The following KCNK1 variants were observed in gnomAD, a reference collection of about 807,000 sequenced individuals.
KCNK1 encodes the protein potassium two pore domain channel subfamily K member 1.
KCNK1 carries 10 observed loss-of-function variants against 22.2 expected under a neutral mutation model. That is an observed-to-expected ratio of 0.45 (90% CI 0.28 to 0.76). KCNK1 has a LOEUF of 0.76. KCNK1 is among the 30% of genes least tolerant of loss of function. KCNK1 has a pLI of 0.14. For missense variants in KCNK1, 378 were observed against 421.0 expected, an observed-to-expected ratio of 0.90 and a Z score of 0.89; for synonymous variants, 200 against 186.4, an observed-to-expected ratio of 1.07 and a Z score of -0.60.
intron 1 of KCNK1, among the ~76,000 whole-genome samples, chr1:233,617,605 G>A (rs143929884): frequency 1.3e-5 from 2 of 152,262 alleles, no homozygotes; most frequent in East Asian, 3.9e-4. Context: ...CGAATGATTG[G>A]AGAACAAAAG....
intron 1 of KCNK1, chr1:233,636,713 A>T (rs1212806010): frequency 6.6e-6 from 1 of 151,270 alleles, no homozygotes; most frequent in Non-Finnish European, 1.5e-5. Context: ...TCGGATCACA[A>T]GACTGGGGGG....
chr1:233,665,192 G>A (rs544823738), intron 1 of KCNK1, among the ~76,000 whole-genome samples: 1 of 152,280 alleles, frequency 6.6e-6, no homozygotes, highest in African/African-American at 2.4e-5. Context: ...CCGGGGGGTG[G>A]GGGAAATGTG....
At chr1:233,655,918 G>A (rs1299782603) in intron 1 of KCNK1, 3 of 151,486 alleles carry the variant, frequency 2.0e-5, no homozygotes, top group African/African-American at 7.3e-5. Context: ...AAAAAAAAAC[G>A]GCTCCAATGC....
chr1:233,634,368 G>A (rs75833617), intron 1 of KCNK1, among the ~76,000 whole-genome samples: 1 of 151,828 alleles, frequency 6.6e-6, no homozygotes, highest in East Asian at 1.9e-4. Context: ...AGCTTTTCAG[G>A]TTCTTAAACT....
At chr1:233,653,714 G>C (rs538697904) in intron 1 of KCNK1, among the ~76,000 whole-genome samples, 58 of 152,208 alleles carry the variant, frequency 3.8e-4, no homozygotes, top group Non-Finnish European at 6.8e-4. Context: ...AACTTGGGCA[G>C]AATGGTACCA....
intron 1 of KCNK1, among the ~76,000 whole-genome samples, chr1:233,661,245 CA>C (rs1214220554): frequency 6.6e-6 from 1 of 152,142 alleles, no homozygotes; most frequent in Non-Finnish European, 1.5e-5. Context: ...GTGGAAACTT[CA>C]TTGCAAAAAG....
chr1:233,656,414 G>C (rs560089450), intron 1 of KCNK1, among the ~76,000 whole-genome samples: 1 of 152,188 alleles, frequency 6.6e-6, no homozygotes, highest in Non-Finnish European at 1.5e-5. Flanking sequence ...CTCAGTAGTC[G>C]TTAGACAAAA....
chr1:233,620,677 G>A (rs1053365178), intron 1 of KCNK1, among the ~76,000 whole-genome samples: 3 of 152,102 alleles, frequency 2.0e-5, no homozygotes, highest in Non-Finnish European at 4.4e-5. Context: ...TGATGTTTGT[G>A]CTCTGTATTC....
At chr1:233,671,004 T>C (rs1658587091) in intron 2 of KCNK1, among the ~76,000 whole-genome samples, 2 of 152,172 alleles carry the variant, frequency 1.3e-5, no homozygotes, top group African/African-American at 4.8e-5. Flanking sequence ...CCCAAGTATT[T>C]TTTTTTTCTC....
At chr1:233,667,042 T>A in intron 2 of KCNK1, 52 bp downstream of exon 2, 1 of 1,268,004 alleles carries the variant, frequency 7.9e-7, no homozygotes, top group Non-Finnish European at 1.0e-6. Flanking sequence ...ATTTTATTTA[T>A]TTATTTATTT....
chr1:233,615,303 G>A (rs942887568), intron 1 of KCNK1, among the ~76,000 whole-genome samples: 2 of 152,190 alleles, frequency 1.3e-5, no homozygotes, highest in Admixed American at 6.5e-5. Context: ...CATAAACTTC[G>A]AAGCGCCACG....
chr1:233,663,422 C>T (rs1248820875), intron 1 of KCNK1, among the ~76,000 whole-genome samples: 5 of 152,036 alleles, frequency 3.3e-5, no homozygotes, highest in Non-Finnish European at 7.4e-5. Context: ...AGTTAACATT[C>T]TAATGAAAAG....
chr1:233,634,319 A>AAC (rs1491346622), intron 1 of KCNK1, among the ~76,000 whole-genome samples: 1 of 2,748 alleles, frequency 3.6e-4, no homozygotes, highest in African/African-American at 5.4e-4. Flanking sequence ...CAACAACAAC[A>AAC]AAAAAAAAAA....
At chr1:233,633,322 G>A (rs1365568785) in intron 1 of KCNK1, among the ~76,000 whole-genome samples, 2 of 151,810 alleles carry the variant, frequency 1.3e-5, no homozygotes, top group Non-Finnish European at 2.9e-5. Context: ...AGCTCCATTG[G>A]AGTATGTATT....
intron 1 of KCNK1, among the ~76,000 whole-genome samples, chr1:233,633,017 C>T (rs1420620073): frequency 6.6e-6 from 1 of 151,826 alleles, no homozygotes; most frequent in Admixed American, 6.6e-5. Flanking sequence ...TCCTCCTTGG[C>T]CTTTACAAAG....
intron 1 of KCNK1, among the ~76,000 whole-genome samples, chr1:233,617,126 C>A (rs1257584858): frequency 6.6e-6 from 1 of 151,858 alleles, no homozygotes; most frequent in African/African-American, 2.4e-5. Context: ...TTAATCAGTA[C>A]AGTCAATCCT....
At chr1:233,635,719 T>A (rs1034035360) in intron 1 of KCNK1, among the ~76,000 whole-genome samples, 3 of 152,218 alleles carry the variant, frequency 2.0e-5, no homozygotes, top group African/African-American at 4.8e-5. Context: ...GTGCCAGGCA[T>A]GTTTTTAGAT....
Position 233,666,996 on chromosome 1 carries a change from T to G in KCNK1, c.751+6T>G. On this transcript the variant is annotated splice_donor_region_variant and intron_variant, in intron 2 of 2. Coordinates refer to ENST00000366621, the MANE Select transcript of KCNK1 (RefSeq NM_002245.4). Reference sequence around the variant, plus strand: ...CTATAAGATTGGGATCACGTGTGAGTATTACAGCTCCCTGGCTGCTCCTTC... The same window carrying G: ...CTATAAGATTGGGATCACGTGTGAGGATTACAGCTCCCTGGCTGCTCCTTC... 6.3e-7 allele frequency: 1 copy of G among 1,584,722 alleles called. No individual in the cohort carries two copies. Among genetic ancestry groups the G allele is most frequent in the Non-Finnish European group, 8.6e-7 (1 of 1,168,608 alleles).
chr1:233,661,920 A>G (rs908569158), intron 1 of KCNK1: 1 of 152,246 alleles, frequency 6.6e-6, no homozygotes, highest in Admixed American at 6.5e-5. Context: ...TCACCGTGCA[A>G]TGAGTTTCAC....
Sources: gnomAD v4.1 joint callset for allele counts (sites outside exome capture counted in the v4.1 genomes callset) on GRCh38, gnomAD v4.1.1 for gene constraint, MANE v1.5 for transcripts, NCBI Gene and HGNC (gene_info 2026-07-23, HGNC 2026-07-21) for gene names.